Variants in PARP8 observed in about 807,000 individuals in gnomAD.
The protein encoded by PARP8 is protein mono-ADP-ribosyltransferase PARP8.
Under a neutral mutation model 124.1 loss-of-function variants are expected in PARP8, and 51 were observed. The observed-to-expected ratio is 0.41, with a 90% confidence interval of 0.33 to 0.52. The LOEUF is 0.52. Ranked by LOEUF, PARP8 falls within the 20% of genes least tolerant of loss-of-function variation. The probability of loss-of-function intolerance (pLI) is 0.21; values close to 1 mark genes in which losing one functional copy is unlikely to be tolerated. For missense variants in PARP8, 860 were observed against 1,018.9 expected (o/e 0.84, Z 2.12); for synonymous variants, 391 against 361.5 (o/e 1.08, Z -0.93).
At chr5:50,676,119 A>G (rs1027071841) in intron 2 of PARP8, among the ~76,000 whole-genome samples, 2 of 152,214 alleles carry the variant, frequency 1.3e-5, no homozygotes, top group Non-Finnish European at 2.9e-5. Context: ...ATGTGAGTGA[A>G]GTATTTGGGG....
chr5:50,805,310 T>C (rs1743702837), intron 14 of PARP8, among the ~76,000 whole-genome samples: 1 of 151,656 alleles, frequency 6.6e-6, no homozygotes, highest in Non-Finnish European at 1.5e-5. Flanking sequence ...AGAAAGGAGG[T>C]TATTGAGGGT....
intron 14 of PARP8, among the ~76,000 whole-genome samples, chr5:50,803,830 T>C (rs188542978): frequency 6.6e-6 from 1 of 152,296 alleles, no homozygotes; most frequent in East Asian, 1.9e-4. Flanking sequence ...TTTTACCCTG[T>C]GAATAGGTCT....
chr5:50,827,434 G>T (rs1219613104), intron 19 of PARP8, among the ~76,000 whole-genome samples: 3 of 152,030 alleles, frequency 2.0e-5, no homozygotes, highest in African/African-American at 7.2e-5. Context: ...TTCTTTCCAT[G>T]ACCAAGGAGG....
chr5:50,707,769 A>G (rs1005375691), intron 2 of PARP8, among the ~76,000 whole-genome samples: 2 of 152,120 alleles, frequency 1.3e-5, no homozygotes, highest in African/African-American at 2.4e-5. Context: ...AAGTAAGCAC[A>G]TATTTGATTA....
intron 14 of PARP8, among the ~76,000 whole-genome samples, chr5:50,811,858 G>A (rs1461994143): frequency 2.6e-5 from 4 of 152,226 alleles, no homozygotes; most frequent in African/African-American, 4.8e-5. Context: ...CTGTCTTTGC[G>A]ATAGTTTGCT....
intron 7 of PARP8, among the ~76,000 whole-genome samples, chr5:50,774,970 C>G (rs1197531282): frequency 8.3e-5 from 11 of 132,486 alleles, no homozygotes; most frequent in South Asian, 2.6e-4. Context: ...GGGCGGCCGG[C>G]CAGAGGCGCT....
intron 7 of PARP8, among the ~76,000 whole-genome samples, chr5:50,770,342 A>G (rs1647424524): frequency 6.6e-6 from 1 of 152,170 alleles, no homozygotes; most frequent in Non-Finnish European, 1.5e-5. Context: ...TTACTTGAAC[A>G]TCATTCATCA....
intron 1 of PARP8, 135 bp from the exon 2 acceptor site, chr5:50,667,936 C>G: frequency 6.4e-7 from 1 of 1,552,166 alleles, no homozygotes; most frequent in Non-Finnish European, 8.6e-7. Context: ...CGCAGAGGGA[C>G]CTCGCCGCCC....
intron 2 of PARP8, among the ~76,000 whole-genome samples, chr5:50,739,726 A>T (rs1381228583): frequency 1.0e-4 from 11 of 105,082 alleles, no homozygotes; most frequent in East Asian, 6.7e-4. Flanking sequence ...ATATATATAT[A>T]TATATATTTT....
At chr5:50,712,658 A>G (rs1354838660) in intron 2 of PARP8, among the ~76,000 whole-genome samples, 3 of 152,088 alleles carry the variant, frequency 2.0e-5, no homozygotes, top group Admixed American at 2.0e-4. Flanking sequence ...AGGCATTCAC[A>G]GAGCAGGGAT....
At chr5:50,747,141 GTT>G (rs201585071) in intron 2 of PARP8, among the ~76,000 whole-genome samples, 1 of 80,906 alleles carries the variant, frequency 1.2e-5, no homozygotes, top group South Asian at 4.9e-4. Context: ...TTCAGTTATG[GTT>G]TTTTTTGTTT....
At chr5:50,795,803 AT>A (rs1215900325) in intron 12 of PARP8, among the ~76,000 whole-genome samples, 1 of 152,156 alleles carries the variant, frequency 6.6e-6, no homozygotes, top group African/African-American at 2.4e-5. Context: ...GGAGGACCAC[AT>A]TTTTCTTGTG....
chr5:50,740,688 C>G (rs1398000612), intron 2 of PARP8, among the ~76,000 whole-genome samples: 2 of 151,850 alleles, frequency 1.3e-5, no homozygotes, highest in African/African-American at 4.8e-5. Context: ...TGACTTGGGT[C>G]TGTAGTTCTA....
chr5:50,736,966 A>G (rs778764616), intron 2 of PARP8, among the ~76,000 whole-genome samples: 1 of 152,208 alleles, frequency 6.6e-6, no homozygotes, highest in Non-Finnish European at 1.5e-5. Flanking sequence ...TGAAATTTTC[A>G]TAAGAAAGAT....
At position 50,842,824 on chromosome 5, in the gene PARP8, A is replaced by ATT. The variant is rs1451909334; in HGVS notation, c.*758_*759dup. The ATT allele has an allele frequency of 1.3e-5, 2 of 151,684 alleles. No homozygotes were observed. Among genetic ancestry groups the ATT allele is most frequent in the Non-Finnish European group, 3.0e-5 (2 of 67,766 alleles). 9.4% of individuals were successfully genotyped at this position (151,684 alleles called of 1,614,324 possible). ...TTACCACCATTCATTCACTGAAAAT[A>ATT]TTTGCAGACAATTTTTCTGTTTGTC... On this transcript the variant is annotated 3_prime_UTR_variant, in exon 26 of 26. Coordinates refer to ENST00000281631, the MANE Select transcript of PARP8 (RefSeq NM_024615.4).
At chr5:50,694,267 C>T (rs1752796034) in intron 2 of PARP8, among the ~76,000 whole-genome samples, 1 of 152,170 alleles carries the variant, frequency 6.6e-6, no homozygotes, top group Admixed American at 6.5e-5. Context: ...CCTGCCAGTA[C>T]TCTCATGACT....
intron 16 of PARP8, 115 bp downstream of exon 16, chr5:50,821,453 C>G (rs1276382311): frequency 1.2e-5 from 14 of 1,142,848 alleles, no homozygotes; most frequent in Non-Finnish European, 1.8e-5. Context: ...TCTCATCAAG[C>G]ATATCCATGA....
intron 14 of PARP8, among the ~76,000 whole-genome samples, chr5:50,797,792 ATT>A (rs1031044556): frequency 6.6e-6 from 1 of 152,014 alleles, no homozygotes; most frequent in Admixed American, 6.6e-5. Context: ...TTTTAAAATG[ATT>A]TTTTTTGGAA....
rs73101054 is a variant in PARP8, at chr5:50,741,761, T to G, written c.147-8390T>G. The G allele has an allele frequency of 3.8e-4, 158 of 413,390 alleles. 1 individual carries two copies. Among genetic ancestry groups the G allele is most frequent in the African/African-American group, 3.2e-3 (152 of 47,242 alleles). The allele number at this position is 413,390 out of a possible 1,614,324, so 25.6% of individuals were successfully genotyped here. A position where few individuals can be genotyped will look rare whatever the true frequency, so the allele number is the denominator to read the frequency against. On this transcript the variant is annotated intron_variant, in intron 2 of 25. Coordinates refer to ENST00000281631, the MANE Select transcript of PARP8 (RefSeq NM_024615.4). ...TTCATCCTTTTACCTTAGTAAAGGG[T>G]AATACGTAATTTATTTCATAGGTGA... is the stretch of plus-strand genomic sequence containing the variant.
Sources: allele counts gnomAD v4.1 joint callset (sites outside exome capture counted in the v4.1 genomes callset), GRCh38; gene constraint gnomAD v4.1.1; transcripts MANE v1.5; gene names NCBI Gene and HGNC (gene_info 2026-07-23, HGNC 2026-07-21).